Variants in PLSCR2 observed in about 807,000 individuals in gnomAD.
PLSCR2 encodes PL scramblase 2.
In PLSCR2, 18 loss-of-function variants were observed where a neutral mutation model predicts 25.3. The ratio of observed to expected loss-of-function variants is 0.71; its 90% CI spans 0.49 to 1.06. The LOEUF (loss-of-function observed/expected upper bound fraction) is 1.06. Ranked by LOEUF, PLSCR2 falls within the 50% of genes least tolerant of loss-of-function variation. The probability of loss-of-function intolerance (pLI) is 0.00; values close to 1 mark genes in which losing one functional copy is unlikely to be tolerated. For missense variants in PLSCR2, 243 were observed against 269.5 expected, an observed-to-expected ratio of 0.90 and a Z score of 0.69; for synonymous variants, 88 against 87.3, an observed-to-expected ratio of 1.01 and a Z score of -0.04.
chr3:146,464,068 G>C, upstream of PLSCR2: 1 of 636,240 alleles, frequency 1.6e-6, no homozygotes, highest in Non-Finnish European at 2.0e-6. Flanking sequence ...TCGGAATCCA[G>C]TTTGCATTAA....
chr3:146,491,267 T>C (rs2043542638), intron 1 of PLSCR2, among the ~76,000 whole-genome samples: 2 of 152,206 alleles, frequency 1.3e-5, no homozygotes, highest in South Asian at 4.1e-4. Flanking sequence ...TTCTCTCTAG[T>C]TGCCTTTAAG....
chr3:146,399,545 A>C (rs2107992573), intron 2 of PLSCR2, among the ~76,000 whole-genome samples: 1 of 151,942 alleles, frequency 6.6e-6, no homozygotes, highest in South Asian at 2.1e-4. Context: ...AGAAACTTGT[A>C]ATAGTAGTTG....
chr3:146,434,915 TC>T (rs992277462), intron 8 of PLSCR2, among the ~76,000 whole-genome samples: 1 of 100,450 alleles, frequency 1.0e-5, no homozygotes, highest in Non-Finnish European at 2.0e-5. Flanking sequence ...ATGCTATCCC[TC>T]CCCCCTCCCC....
intron 2 of PLSCR2, among the ~76,000 whole-genome samples, chr3:146,396,655 A>G (rs1415750100): frequency 6.6e-6 from 1 of 152,132 alleles, no homozygotes; most frequent in Non-Finnish European, 1.5e-5. Flanking sequence ...GAAAGTTAAC[A>G]TGTGAAAAGG....
intron 8 of PLSCR2, among the ~76,000 whole-genome samples, chr3:146,435,664 G>A (rs2039799417): frequency 6.6e-6 from 1 of 152,242 alleles, no homozygotes; most frequent in Admixed American, 6.5e-5. Flanking sequence ...TGTAGATTCT[G>A]GACATTAGCC....
intron 2 of PLSCR2, among the ~76,000 whole-genome samples, chr3:146,399,142 T>C (rs2038375879): frequency 6.6e-6 from 1 of 151,878 alleles, no homozygotes. Context: ...AATTACTTTT[T>C]AAATTGCCAT....
chr3:146,486,094 A>G (rs981828388), intron 1 of PLSCR2, among the ~76,000 whole-genome samples: 2 of 152,168 alleles, frequency 1.3e-5, no homozygotes, highest in Admixed American at 1.3e-4. Flanking sequence ...ATTAAGGCAG[A>G]AATCAAGAAG....
chr3:146,397,914 G>A (rs1159594070), intron 2 of PLSCR2, among the ~76,000 whole-genome samples: 1 of 151,910 alleles, frequency 6.6e-6, no homozygotes, highest in African/African-American at 2.4e-5. Context: ...AGTATATGCA[G>A]ATGCCAGTAA....
At chr3:146,478,977 T>C (rs1189019886) in intron 1 of PLSCR2, among the ~76,000 whole-genome samples, 6 of 152,178 alleles carry the variant, frequency 3.9e-5, no homozygotes, top group African/African-American at 1.4e-4. Flanking sequence ...ACCCAGAATT[T>C]CATATCCAGC....
exon 3 of PLSCR2, chr3:146,395,916 C>T: frequency 3.1e-6 from 1 of 325,640 alleles, no homozygotes; most frequent in South Asian, 2.5e-5. Context: ...CATCCAGAGT[C>T]AATAACTAAA....
intron 3 of PLSCR2, among the ~76,000 whole-genome samples, chr3:146,394,815 G>T (rs2038218377): frequency 6.6e-6 from 1 of 152,186 alleles, no homozygotes; most frequent in South Asian, 2.1e-4. Context: ...ATCCCCAAGT[G>T]GGGAGGGAGG....
In PLSCR2 at chr3:146,459,773, C is replaced by T. The variant is rs189156278; in HGVS notation, c.57+75G>A. On this transcript the variant is annotated intron_variant, in intron 2 of 6. Transcript: ENST00000610787. ...CAGTAAATAAATAAGTATCACTTAA[C>T]CATAATTACTATGGTTCATAAACCA... The T allele has an allele frequency of 3.5e-5, 36 of 1,041,044 alleles. No homozygotes were observed. In the African/African-American group the frequency reaches 4.8e-4, roughly 14 times the overall value. 64.5% of individuals were successfully genotyped at this position (1,041,044 alleles called of 1,614,324 possible).
At chr3:146,422,086 A>C (rs755514330) in intron 2 of PLSCR2, among the ~76,000 whole-genome samples, 14 of 152,088 alleles carry the variant, frequency 9.2e-5, no homozygotes, top group Non-Finnish European at 2.1e-4. Flanking sequence ...TATTGTCTTT[A>C]ATCTTCTATT....
intron 1 of PLSCR2, among the ~76,000 whole-genome samples, chr3:146,484,654 G>A (rs920639479): frequency 6.6e-6 from 1 of 152,078 alleles, no homozygotes; most frequent in South Asian, 2.1e-4. Context: ...TTAAAGAAAA[G>A]AATTTCCAAC....
chr3:146,416,802 C>T (rs2039017338), intron 2 of PLSCR2, among the ~76,000 whole-genome samples: 1 of 152,034 alleles, frequency 6.6e-6, no homozygotes, highest in Non-Finnish European at 1.5e-5. Flanking sequence ...TGAAGTCTGT[C>T]TCTTATCAAA....
chr3:146,401,593 A>T (rs2038475605), intron 2 of PLSCR2: 1 of 152,588 alleles, frequency 6.6e-6, no homozygotes. Flanking sequence ...ATTTGTTAAT[A>T]ATACTGATGT....
At chr3:146,479,857 G>A (rs1011897894) in intron 1 of PLSCR2, among the ~76,000 whole-genome samples, 1 of 152,156 alleles carries the variant, frequency 6.6e-6, no homozygotes, top group Admixed American at 6.5e-5. Context: ...CTCTGCAAAT[G>A]TAAAAGAAGA....
intron 1 of PLSCR2, among the ~76,000 whole-genome samples, chr3:146,474,319 C>T (rs1396811348): frequency 6.6e-6 from 1 of 152,062 alleles, no homozygotes; most frequent in Non-Finnish European, 1.5e-5. Context: ...CCAAGATTTC[C>T]ACGGCACCAA....
chr3:146,480,769 A>G (rs1440825769), intron 1 of PLSCR2, among the ~76,000 whole-genome samples: 3 of 152,208 alleles, frequency 2.0e-5, no homozygotes, highest in Non-Finnish European at 4.4e-5. Context: ...AGCTTGGCAG[A>G]GACACAACAA....
Sources: gnomAD v4.1 joint callset for allele counts (sites outside exome capture counted in the v4.1 genomes callset) on GRCh38, gnomAD v4.1.1 for gene constraint, MANE v1.5 for transcripts, NCBI Gene and HGNC (gene_info 2026-07-23, HGNC 2026-07-21) for gene names.